THEM4: variants seen among roughly 807,000 people sequenced by gnomAD.
THEM4 encodes the protein thioesterase superfamily member 4, also known as acyl-coenzyme A thioesterase THEM4.
A neutral mutation model predicts 25.0 loss-of-function variants in THEM4; 22 were observed. The observed-to-expected ratio is 0.88, with a 90% confidence interval of 0.63 to 1.26. The LOEUF is 1.26. Ranked by LOEUF, THEM4 falls within the 50% of genes most tolerant of loss-of-function variation. The pLI, the probability that THEM4 is intolerant of heterozygous loss-of-function variation, is 0.00. For missense variants in THEM4, 286 were observed against 300.3 expected (o/e 0.95, Z 0.35); for synonymous variants, 113 against 105.6 (o/e 1.07, Z -0.43).
At chr1:151,890,273 T>C in intron 2 of THEM4, 1 of 443,230 alleles carries the variant, frequency 2.3e-6, no homozygotes, top group Admixed American at 2.5e-5. Flanking sequence ...TAAGTAATAG[T>C]GCACTTGTTT....
At chr1:151,899,643 G>A (rs1654307793) in intron 1 of THEM4, among the ~76,000 whole-genome samples, 1 of 152,122 alleles carries the variant, frequency 6.6e-6, no homozygotes, top group African/African-American at 2.4e-5. Context: ...AAGCCTCCAA[G>A]AAGTCTGGGA....
intron 4 of THEM4, among the ~76,000 whole-genome samples, chr1:151,886,648 T>C (rs916076961): frequency 7.2e-5 from 11 of 152,182 alleles, no homozygotes; most frequent in Non-Finnish European, 1.5e-4. Flanking sequence ...CAAATTAATC[T>C]CTAGAATCAA....
intron 1 of THEM4, among the ~76,000 whole-genome samples, chr1:151,900,050 G>A (rs1042229062): frequency 6.6e-6 from 1 of 152,174 alleles, no homozygotes; most frequent in Admixed American, 6.5e-5. Context: ...TGTATCCAGT[G>A]AAACTAAGTA....
chr1:151,871,263 T>A lies in THEM4; in HGVS notation c.*3625A>T, dbSNP rs1253856108. On this transcript the variant is annotated 3_prime_UTR_variant, in exon 6 of 6. Transcript: ENST00000368814. ...TCGCTTGAACCTGGGAGGTGGAGGT[T>A]GCATTGAGCTGAGATTGTGTCTCTG... is the stretch of plus-strand genomic sequence containing the variant. Among the ~76,000 whole-genome samples the A allele has an allele frequency of 1.4e-5, 2 of 147,320 alleles. No individual in the cohort carries two copies. The highest frequency in any genetic ancestry group is 1.4e-4 in the Admixed American group (2 of 14,368).
chr1:151,896,728 G>C (rs1016838998), intron 1 of THEM4, among the ~76,000 whole-genome samples: 1 of 152,192 alleles, frequency 6.6e-6, no homozygotes, highest in African/African-American at 2.4e-5. Context: ...GATAGTGGGA[G>C]TGTCCAAGGT....
intron 2 of THEM4, chr1:151,889,900 GCTT>G (rs1558191333): frequency 7.7e-6 from 1 of 130,136 alleles, no homozygotes; most frequent in Non-Finnish European, 1.5e-5. Flanking sequence ...TTGTAACCAG[GCTT>G]CTTTTTTTTT....
chr1:151,874,648 T>C lies in THEM4; in HGVS notation c.*240A>G, dbSNP rs903736290. 1.2e-4 allele frequency: 69 copies of C among 573,576 alleles called. 1 individual carries two copies. The Middle Eastern group carries it at 1.4e-3, about 12-fold the overall frequency. The allele number at this position is 573,576 out of a possible 1,614,324, so 35.5% of individuals were successfully genotyped here. A position where few individuals can be genotyped will look rare whatever the true frequency, so the allele number is the denominator to read the frequency against. The stretch of plus-strand genomic sequence containing the variant: ...CCTCGGCCTCCTAAAGTGCTGGGAT[T>C]ATAGGTGTGAGCCACAGCGCCTGGC... On this transcript the variant is annotated 3_prime_UTR_variant, in exon 6 of 6. Coordinates refer to ENST00000368814, the MANE Select transcript of THEM4 (RefSeq NM_053055.5).
chr1:151,889,829 G>A (rs1007091504), intron 2 of THEM4: 1 of 155,948 alleles, frequency 6.4e-6, no homozygotes, highest in Non-Finnish European at 1.4e-5. Context: ...AAGTGATTGT[G>A]ACTCTAAGCC....
At chr1:151,890,465 T>C (rs897804501) in intron 2 of THEM4, 2 of 198,360 alleles carry the variant, frequency 1.0e-5, no homozygotes, top group African/African-American at 4.6e-5. Context: ...TAGCTCATCA[T>C]GATTTGCCAT....
At chr1:151,888,206 A>C (rs1305086426) in intron 4 of THEM4, 67 bp downstream of exon 4, 2 of 1,277,288 alleles carry the variant, frequency 1.6e-6, no homozygotes, top group African/African-American at 3.0e-5. Context: ...TTATGGTGTC[A>C]AGATCTGCAA....
chr1:151,897,675 G>A (rs1654253453), intron 1 of THEM4, among the ~76,000 whole-genome samples: 1 of 152,182 alleles, frequency 6.6e-6, no homozygotes, highest in South Asian at 2.1e-4. Context: ...AAGATTGACT[G>A]CAAGAACCAG....
chr1:151,885,282 G>A (rs146459803), intron 4 of THEM4, among the ~76,000 whole-genome samples: 58 of 152,030 alleles, frequency 3.8e-4, no homozygotes, highest in African/African-American at 1.4e-3. Flanking sequence ...CCACACCTGG[G>A]TAATTTCTGT....
intron 2 of THEM4, chr1:151,889,578 G>C (rs1654045131): frequency 2.0e-6 from 1 of 506,302 alleles, no homozygotes; most frequent in Non-Finnish European, 3.5e-6. Flanking sequence ...AGTCCAACTG[G>C]GGACAGAGTA....
Position 151,874,875 on chromosome 1 carries a change from C to T in THEM4, c.*13G>A. The T allele has an allele frequency of 6.2e-7, 1 of 1,613,008 alleles. No individual in the cohort carries two copies. Among genetic ancestry groups the T allele is most frequent in the Non-Finnish European group, 8.5e-7 (1 of 1,179,452 alleles). The stretch of plus-strand genomic sequence containing the variant: ...GGAGGGGCGAGAATGAGATGGAGTT[C>T]ACCAGCAGCTCTTTATGTCAGACTT... On this transcript the variant is annotated 3_prime_UTR_variant, in exon 6 of 6. Coordinates refer to ENST00000368814, the MANE Select transcript of THEM4 (RefSeq NM_053055.5).
At chr1:151,886,685 G>A (rs1653979267) in intron 4 of THEM4, among the ~76,000 whole-genome samples, 1 of 152,094 alleles carries the variant, frequency 6.6e-6, no homozygotes, top group Admixed American at 6.6e-5. Flanking sequence ...ATTGTTAAAA[G>A]GAGGTACAAT....
intron 2 of THEM4, among the ~76,000 whole-genome samples, chr1:151,893,376 C>CTAAAAAAAA (rs1654136164): frequency 3.8e-5 from 1 of 26,292 alleles, no homozygotes; most frequent in Non-Finnish European, 9.0e-5. Context: ...ATTCTCAAAA[C>CTAAAAAAAA]CAAAAACAAA....
Position 151,889,350 on chromosome 1 carries a change from GTTC to G in THEM4, c.307_309del (p.Glu103del). On this transcript the variant is annotated inframe_deletion, in exon 3 of 6. Transcript: ENST00000368814. Reference sequence around the variant, plus strand: ...GTGAAGAGCTGGGCCTGTGACATTTGTTCTTCTTTCATAAGCTTTGGGTCTATA... The same window carrying G: ...GTGAAGAGCTGGGCCTGTGACATTTGTTCTTTCATAAGCTTTGGGTCTATA... 1 of 1,613,904 alleles carries G rather than the reference GTTC, an allele frequency of 6.2e-7. No individual in the cohort carries two copies. Among genetic ancestry groups the G allele is most frequent in the Non-Finnish European group, 8.5e-7 (1 of 1,179,882 alleles).
intron 3 of THEM4, among the ~76,000 whole-genome samples, 163 bp downstream of exon 3, chr1:151,889,051 A>G (rs1245602505): frequency 1.3e-5 from 2 of 152,174 alleles, no homozygotes; most frequent in South Asian, 2.1e-4. Flanking sequence ...AATAATATAG[A>G]TAAGATGTCC....
rs752295201 is a variant in THEM4, at chr1:151,909,511, C to T, written c.-53G>A. 19 of 1,312,406 alleles carry T rather than the reference C, an allele frequency of 1.4e-5. No individual in the cohort carries two copies. The highest frequency in any genetic ancestry group is 4.0e-5 in the Admixed American group (1 of 24,706). The allele number at this position is 1,312,406 out of a possible 1,614,324, so 81.3% of individuals were successfully genotyped here. The stretch of plus-strand genomic sequence containing the variant: ...TCTAGCCCTGGACGGCGCACTCTAC[C>T]TCCGCCACAAGAGCGCGCGTGCGAG... On this transcript the variant is annotated 5_prime_UTR_variant, in exon 1 of 6. Coordinates refer to ENST00000368814, the MANE Select transcript of THEM4 (RefSeq NM_053055.5).
Sources: allele counts gnomAD v4.1 joint callset (sites outside exome capture counted in the v4.1 genomes callset), GRCh38; gene constraint gnomAD v4.1.1; transcripts MANE v1.5; gene names NCBI Gene and HGNC (gene_info 2026-07-23, HGNC 2026-07-21).